Variants in CDC14B observed in about 807,000 individuals in gnomAD.
CDC14B encodes the protein cell division cycle 14B.
CDC14B carries 22 observed loss-of-function variants against 64.2 expected under a neutral mutation model. The observed-to-expected ratio is 0.34, with a 90% CI of 0.24 to 0.49. The LOEUF (loss-of-function observed/expected upper bound fraction) is 0.49. CDC14B is among the 20% of genes least tolerant of loss of function. The pLI is 0.99. For missense variants in CDC14B, 498 were observed against 629.9 expected (o/e 0.79, Z 2.24); for synonymous variants, 191 against 215.8 (o/e 0.89, Z 1.01).
chr9:96,619,317 C>G lies in CDC14B; in HGVS notation c.62G>C (p.Cys21Ser). ...WAAAPPCSRRCSSTSPGVKKI... is the reference protein window; with the variant it reads ...WAAAPPCSRRSSSTSPGVKKI... Reference sequence around the variant, plus strand: ...CTTCACACCCGGCGAGGTCGACGAGCAGCGCCGCGAGCAGGGGGGCGCGGC... The same window carrying G: ...CTTCACACCCGGCGAGGTCGACGAGGAGCGCCGCGAGCAGGGGGGCGCGGC... Residue 21 changes from cysteine (C) to serine (S), a missense_variant, in exon 1 of 14, where the codon TGC (cysteine) becomes TCC (serine). By Grantham distance (112) the Cys-to-Ser change is moderately radical (BLOSUM62 -1). Coordinates refer to ENST00000375241, the MANE Select transcript of CDC14B (RefSeq NM_033331.4). The G allele has an allele frequency of 7.7e-7, 1 of 1,302,106 alleles. No homozygotes were observed. Among genetic ancestry groups the G allele is most frequent in the Non-Finnish European group, 9.8e-7 (1 of 1,021,504 alleles). 80.7% of individuals were successfully genotyped at this position (1,302,106 alleles called of 1,614,324 possible). A position where few individuals can be genotyped will look rare whatever the true frequency, so the allele number is the denominator to read the frequency against.
At chr9:96,594,095 T>C (rs549429793) in intron 1 of CDC14B, among the ~76,000 whole-genome samples, 3 of 152,198 alleles carry the variant, frequency 2.0e-5, no homozygotes, top group Admixed American at 6.5e-5. Context: ...AAAACCAAAA[T>C]ACATTATACG....
At chr9:96,599,834 C>T (rs59395877) in intron 1 of CDC14B, among the ~76,000 whole-genome samples, 1 of 151,986 alleles carries the variant, frequency 6.6e-6, no homozygotes, top group African/African-American at 2.4e-5. Flanking sequence ...CAGGTTCAAG[C>T]GATTCTCCTG....
chr9:96,537,400 C>T (rs989472849), intron 7 of CDC14B, among the ~76,000 whole-genome samples: 1 of 152,200 alleles, frequency 6.6e-6, no homozygotes, highest in African/African-American at 2.4e-5. Context: ...CTGGGATGGC[C>T]AGAGAACTAA....
At chr9:96,542,014 A>C (rs544563385) in intron 5 of CDC14B, 122 bp from the exon 6 acceptor site, 3 of 552,956 alleles carry the variant, frequency 5.4e-6, no homozygotes, top group African/African-American at 3.8e-5. Flanking sequence ...AGAAGAAAAA[A>C]ATCTCGCCTT....
At chr9:96,549,608 T>C (rs187751262) in intron 5 of CDC14B, among the ~76,000 whole-genome samples, 2 of 151,712 alleles carry the variant, frequency 1.3e-5, no homozygotes, top group East Asian at 3.9e-4. Context: ...GAGGTTGCAG[T>C]GAGTCCAGAT....
Position 96,513,320 on chromosome 9 carries a change from C to T in CDC14B, c.1344-3531G>A, listed in dbSNP as rs116168209. 5.0e-3 allele frequency among the ~76,000 whole-genome samples: 758 copies of T among 152,274 alleles called. 7 individuals are homozygous for T. The highest frequency in any genetic ancestry group is 0.017 in the African/African-American group (720 of 41,562). ...ATGAAATCGGGGTTGGGGGAGAACTCCACTGAGCTATCATGAGTGACAGCA... is the reference window on the plus strand; with the variant it reads ...ATGAAATCGGGGTTGGGGGAGAACTTCACTGAGCTATCATGAGTGACAGCA... On this transcript the variant is annotated intron_variant, in intron 12 of 13. Transcript: ENST00000375241.
In CDC14B at chr9:96,509,663, C is replaced by A; in HGVS notation, c.1460+10G>T. 1.3e-6 allele frequency: 2 copies of A among 1,524,852 alleles called. No homozygotes were observed. Among genetic ancestry groups the A allele is most frequent in the Non-Finnish European group, 1.8e-6 (2 of 1,099,464 alleles). The allele number at this position is 1,524,852 out of a possible 1,614,324, so 94.5% of individuals were successfully genotyped here. A position where few individuals can be genotyped will look rare whatever the true frequency, so the allele number is the denominator to read the frequency against. ...TGCAACTTTTCAGAAGAGTAGGATT[C>A]TTTTCTCACCTTTTAACACTGCTTT... On this transcript the variant is annotated intron_variant, in intron 13 of 13. Transcript: ENST00000375241.
chr9:96,565,608 A>C, intron 1 of CDC14B, 125 bp from the exon 2 acceptor site: 1 of 733,166 alleles, frequency 1.4e-6, no homozygotes, highest in Non-Finnish European at 2.5e-6. Context: ...AGATGGTAGG[A>C]GTGGTAATGG....
At chr9:96,512,761 G>C (rs1472094402) in intron 12 of CDC14B, among the ~76,000 whole-genome samples, 1 of 152,136 alleles carries the variant, frequency 6.6e-6, no homozygotes, top group Non-Finnish European at 1.5e-5. Context: ...CTGAAGCCCA[G>C]GCCGGGGCAC....
At chr9:96,513,340 A>G (rs997462738) in intron 12 of CDC14B, among the ~76,000 whole-genome samples, 8 of 152,206 alleles carry the variant, frequency 5.3e-5, no homozygotes, top group African/African-American at 1.9e-4. Context: ...ATCATGAGTG[A>G]CAGCACACAC....
At chr9:96,529,473 G>A (rs1838089890) in intron 9 of CDC14B, among the ~76,000 whole-genome samples, 1 of 146,720 alleles carries the variant, frequency 6.8e-6, no homozygotes, top group Non-Finnish European at 1.5e-5. Context: ...CTTGATTGAT[G>A]TAGCTTTGTA....
At chr9:96,606,527 T>TTGTGTGTG (rs376059971) in intron 1 of CDC14B, among the ~76,000 whole-genome samples, 2,401 of 112,804 alleles carry the variant, frequency 0.021, 57 homozygotes, top group East Asian at 0.039. Flanking sequence ...TACTAAAAGT[T>TTGTGTGTG]TGTGTGTGTG....
chr9:96,598,959 T>C (rs539273835), intron 1 of CDC14B, among the ~76,000 whole-genome samples: 13 of 152,374 alleles, frequency 8.5e-5, no homozygotes, highest in African/African-American at 3.1e-4. Flanking sequence ...AGTTGAAATC[T>C]TTCCAAGATG....
chr9:96,523,617 A>T lies in CDC14B; in HGVS notation c.1055T>A (p.Val352Glu). 1 of 1,613,938 alleles carries T rather than the reference A, an allele frequency of 6.2e-7. No homozygotes were observed. Among genetic ancestry groups the T allele is most frequent in the Non-Finnish European group, 8.5e-7 (1 of 1,180,008 alleles). Residue 352 changes from valine to glutamate, a missense_variant, in exon 10 of 14, where the codon GTG (valine) becomes GAG (glutamate). Physicochemically the swap from Val to Glu is moderately radical, Grantham distance 121 (BLOSUM62 -2). Transcript: ENST00000375241. ...CAAAAACTGCTGCTGAGGCCCAATC[A>T]CCGAGCCAGGTCTGCAGATCCTGAC... ...AWVRICRPGS[V>E]IGPQQQFLVM...
intron 1 of CDC14B, among the ~76,000 whole-genome samples, chr9:96,610,528 A>G (rs993350380): frequency 3.3e-5 from 5 of 152,180 alleles, no homozygotes; most frequent in African/African-American, 1.2e-4. Context: ...AAAAGAATAT[A>G]GAAGCACTTC....
intron 3 of CDC14B, 76 bp from the exon 4 acceptor site, chr9:96,562,861 T>C: frequency 1.0e-6 from 1 of 968,044 alleles, no homozygotes; most frequent in Non-Finnish European, 1.7e-6. Flanking sequence ...GTGATGAAGA[T>C]CAATTCCAAA....
intron 5 of CDC14B, among the ~76,000 whole-genome samples, chr9:96,547,853 C>T (rs1297957855): frequency 1.3e-5 from 2 of 150,932 alleles, no homozygotes; most frequent in South Asian, 4.2e-4. Context: ...TGAGATGGAG[C>T]CTCGCTCTGT....
chr9:96,493,105 T>G (rs919854388), exon 14 of CDC14B: 1 of 152,344 alleles, frequency 6.6e-6, no homozygotes, highest in South Asian at 2.1e-4. Context: ...TGCTGTCCTC[T>G]GAAACTGTAC....
At chr9:96,527,904 C>T (rs1373524009) in intron 9 of CDC14B, among the ~76,000 whole-genome samples, 2 of 152,052 alleles carry the variant, frequency 1.3e-5, no homozygotes, top group African/African-American at 4.8e-5. Flanking sequence ...CGTGAGCCAC[C>T]GTGCCCAGCC....
Sources: allele counts gnomAD v4.1 joint callset (sites outside exome capture counted in the v4.1 genomes callset), GRCh38; gene constraint gnomAD v4.1.1; transcripts MANE v1.5; gene names NCBI Gene and HGNC (gene_info 2026-07-23, HGNC 2026-07-21).